Variants in ATP2B1 observed in about 807,000 individuals in gnomAD.
ATP2B1 encodes the protein ATPase plasma membrane Ca2+ transporting 1, also known as plasma membrane calcium-transporting ATPase 1.
ATP2B1 carries 14 observed loss-of-function variants against 124.2 expected under a neutral mutation model. The ratio of observed to expected loss-of-function variants is 0.11; its 90% CI spans 0.07 to 0.18. ATP2B1 has a LOEUF of 0.18. Among genes scored for constraint, ATP2B1 ranks in the 10% least tolerant of loss-of-function variants. The pLI is 1.00. For synonymous variants in ATP2B1, 449 were observed against 492.4 expected, an observed-to-expected ratio of 0.91 and a Z score of 1.17; for missense variants, 763 against 1,466.1, an observed-to-expected ratio of 0.52 and a Z score of 7.83.
At chr12:89,675,771 C>T (rs1299183470) in intron 1 of ATP2B1, among the ~76,000 whole-genome samples, 1 of 152,050 alleles carries the variant, frequency 6.6e-6, no homozygotes, top group Admixed American at 6.6e-5. Flanking sequence ...TTCTGGATTG[C>T]CCCAGACACA....
At chr12:89,684,704 T>C (rs7973795) in intron 1 of ATP2B1, among the ~76,000 whole-genome samples, 2,480 of 152,268 alleles carry the variant, frequency 0.016, 61 homozygotes, top group African/African-American at 0.057. Flanking sequence ...CAGAGCTTTA[T>C]GTTTACTGTC....
At chr12:89,675,194 A>G (rs17191995) in intron 1 of ATP2B1, among the ~76,000 whole-genome samples, 21,634 of 152,228 alleles carry the variant, frequency 0.14, 1,906 homozygotes, top group Non-Finnish European at 0.2. Flanking sequence ...AAGGAAACAC[A>G]AAGACTGAAA....
chr12:89,655,596 G>T (rs952543635), intron 2 of ATP2B1, 83 bp downstream of exon 2: 1 of 1,314,876 alleles, frequency 7.6e-7, no homozygotes, highest in East Asian at 2.4e-5. Flanking sequence ...CAATCGCCAA[G>T]ATAATATAAG....
intron 1 of ATP2B1, among the ~76,000 whole-genome samples, chr12:89,683,471 A>G (rs950668466): frequency 1.3e-5 from 2 of 152,254 alleles, no homozygotes; most frequent in African/African-American, 4.8e-5. Flanking sequence ...CGTAAGCTAC[A>G]AAGAGAGGCC....
chr12:89,695,221 C>A (rs1274560342), intron 1 of ATP2B1, among the ~76,000 whole-genome samples: 1 of 151,770 alleles, frequency 6.6e-6, no homozygotes, highest in Non-Finnish European at 1.5e-5. Context: ...GATCACAGAC[C>A]AGGAATGGGA....
intron 1 of ATP2B1, among the ~76,000 whole-genome samples, chr12:89,678,680 T>C (rs1888975410): frequency 6.6e-6 from 1 of 152,158 alleles, no homozygotes; most frequent in South Asian, 2.1e-4. Context: ...AAGACTTGCC[T>C]TAAGAAGCAA....
At chr12:89,670,016 G>A (rs1231076486) in intron 1 of ATP2B1, among the ~76,000 whole-genome samples, 1 of 152,076 alleles carries the variant, frequency 6.6e-6, no homozygotes, top group Non-Finnish European at 1.5e-5. Flanking sequence ...GGAGAAAAAA[G>A]TTTTCTTCTC....
intron 2 of ATP2B1, among the ~76,000 whole-genome samples, chr12:89,645,121 A>C (rs984169781): frequency 6.7e-6 from 1 of 149,736 alleles, no homozygotes; most frequent in Non-Finnish European, 1.5e-5. Flanking sequence ...GAGGGCACTA[A>C]TATCAGTTGG....
At chr12:89,638,179 T>C (rs949951254) in intron 3 of ATP2B1, among the ~76,000 whole-genome samples, 23 of 152,180 alleles carry the variant, frequency 1.5e-4, no homozygotes, top group Non-Finnish European at 2.6e-4. Context: ...TTTAACAATG[T>C]TTTCAGTAAA....
At chr12:89,615,160 T>C (rs1172917546) in intron 12 of ATP2B1, among the ~76,000 whole-genome samples, 1 of 152,194 alleles carries the variant, frequency 6.6e-6, no homozygotes, top group Non-Finnish European at 1.5e-5. Context: ...CTCGTTTTGC[T>C]TGGAATGCTC....
intron 2 of ATP2B1, among the ~76,000 whole-genome samples, chr12:89,645,674 A>AT (rs1884336442): frequency 6.6e-6 from 1 of 152,202 alleles, no homozygotes; most frequent in African/African-American, 2.4e-5. Context: ...AGATTAGAAG[A>AT]TTTACTAGCC....
intron 15 of ATP2B1, among the ~76,000 whole-genome samples, chr12:89,606,783 C>T (rs73196661): frequency 0.14 from 20,545 of 151,822 alleles, 1,844 homozygotes; most frequent in Non-Finnish European, 0.2. Context: ...ACCATGTTGG[C>T]GAGACTGGTC....
At chr12:89,690,587 A>G (rs1380938709) in intron 1 of ATP2B1, among the ~76,000 whole-genome samples, 2 of 152,054 alleles carry the variant, frequency 1.3e-5, no homozygotes, top group East Asian at 3.9e-4. Context: ...TTTTAAAAAA[A>G]AAAAACTAAT....
intron 1 of ATP2B1, among the ~76,000 whole-genome samples, chr12:89,699,763 G>A (rs887988805): frequency 2.0e-5 from 3 of 152,168 alleles, no homozygotes; most frequent in African/African-American, 7.2e-5. Context: ...AAGAAATGCT[G>A]TCAGCAGGAG....
chr12:89,688,362 A>G (rs563386791), intron 1 of ATP2B1, among the ~76,000 whole-genome samples: 1 of 152,254 alleles, frequency 6.6e-6, no homozygotes, highest in African/African-American at 2.4e-5. Context: ...GGAGACTCAC[A>G]TAAATTTTTT....
chr12:89,622,626 G>GA (rs1214778163), intron 9 of ATP2B1, among the ~76,000 whole-genome samples: 3 of 151,992 alleles, frequency 2.0e-5, no homozygotes, highest in Non-Finnish European at 2.9e-5. Context: ...CTGGTTCCTT[G>GA]AAAAAATATG....
chr12:89,656,335 A>T (rs956255010), intron 1 of ATP2B1, among the ~76,000 whole-genome samples: 6 of 152,250 alleles, frequency 3.9e-5, no homozygotes, highest in African/African-American at 1.4e-4. Context: ...TATTAAATAA[A>T]ACTGCACTTC....
intron 1 of ATP2B1, among the ~76,000 whole-genome samples, chr12:89,658,641 G>GAGAGAGAGAGAT (rs1565882748): frequency 1.3e-5 from 2 of 150,218 alleles, no homozygotes; most frequent in East Asian, 3.9e-4. Context: ...GAGAGAGAGA[G>GAGAGAGAGAGAT]AGAGAGATAG....
In ATP2B1 at chr12:89,658,598, G is replaced by GGAGAGAGAGAGAGAGAGAGAGAGA. The variant is rs67298800; in HGVS notation, c.-221-2515_-221-2492dup. ...AGAATTCAAACAGAGAATTCAAACA[G>GGAGAGAGAGAGAGAGAGAGAGAGA]GAGAGAGAGAGAGAGAGAGAGAGAG... On this transcript the variant is annotated intron_variant, in intron 1 of 20. Coordinates refer to ENST00000428670, the MANE Select transcript of ATP2B1 (RefSeq NM_001366521.1). 3.6e-4 allele frequency among the ~76,000 whole-genome samples: 25 copies of GGAGAGAGAGAGAGAGAGAGAGAGA among 69,584 alleles called. 3 individuals are homozygous for GGAGAGAGAGAGAGAGAGAGAGAGA. The highest frequency in any genetic ancestry group is 1.3e-3 in the Admixed American group (7 of 5,188). 45.6% of individuals were successfully genotyped at this position (69,584 alleles called of 152,430 possible).
Sources: allele counts gnomAD v4.1 joint callset (sites outside exome capture counted in the v4.1 genomes callset), GRCh38; gene constraint gnomAD v4.1.1; transcripts MANE v1.5; gene names NCBI Gene and HGNC (gene_info 2026-07-23, HGNC 2026-07-21).